The following ZNF334 variants were observed in gnomAD, a reference collection of about 807,000 sequenced individuals.
The protein encoded by ZNF334 is zinc finger protein 334.
A neutral mutation model predicts 12.4 loss-of-function variants in ZNF334; 14 were observed. That is an observed-to-expected ratio of 1.13 (90% CI 0.74 to 1.76). ZNF334 has a LOEUF of 1.76. Among genes scored for constraint, ZNF334 ranks in the 40% most tolerant of loss-of-function variants. The probability of loss-of-function intolerance (pLI) is 0.00; values close to 1 mark genes in which losing one functional copy is unlikely to be tolerated. For missense variants in ZNF334, 797 were observed against 804.5 expected, an observed-to-expected ratio of 0.99 and a Z score of 0.11; for synonymous variants, 273 against 269.6, an observed-to-expected ratio of 1.01 and a Z score of -0.12.
chr20:46,488,522 C>T, the ZNF334 span, among the ~76,000 whole-genome samples: 1 of 150,138 alleles, frequency 6.7e-6, no homozygotes, highest in East Asian at 2.0e-4. Context: ...CCCCACAATA[C>T]ATTATTTGTG....
Position 46,512,072 on chromosome 20 carries a change from A to G in ZNF334, c.21+10T>C, listed in dbSNP as rs1044228177. The G allele has an allele frequency of 9.9e-6, 16 of 1,613,542 alleles. No homozygotes were observed. The Admixed American group carries it at 2.7e-4, about 27-fold the overall frequency. On this transcript the variant is annotated intron_variant, in intron 2 of 4. Transcript: ENST00000692313. Reference sequence around the variant, plus strand: ...GTATAATGTGAGAAGTAAATCCCTGAGCAACTTACCTGAAATTTTTTCATT... The same window carrying G: ...GTATAATGTGAGAAGTAAATCCCTGGGCAACTTACCTGAAATTTTTTCATT...
chr20:46,489,429 G>A, the ZNF334 span, among the ~76,000 whole-genome samples: 1 of 152,062 alleles, frequency 6.6e-6, no homozygotes, highest in Non-Finnish European at 1.5e-5. Context: ...ACCACTTTGG[G>A]AGGCTGAGGC....
Position 46,502,394 on chromosome 20 carries a change from A to G in ZNF334, c.945T>C (p.His315=), listed in dbSNP as rs80323463. 6.5e-4 allele frequency: 1,056 copies of G among 1,614,084 alleles called. 6 individuals carry two copies. The East Asian group carries it at 0.021, about 32-fold the overall frequency. The change falls in exon 5 of 5, where the codon CAT becomes CAC. Residue 315 remains histidine, a synonymous_variant. Transcript: ENST00000692313. ...KSALIVHQKI[H]GGEKSYECNE... ...TACACTCATAGGATTTCTCCCCTCC[A>G]TGAATTTTCTGGTGTACAATAAGGG...
chr20:46,481,593 C>T, the ZNF334 span, among the ~76,000 whole-genome samples: 7 of 152,080 alleles, frequency 4.6e-5, no homozygotes, highest in African/African-American at 7.2e-5. Context: ...GTGTTGGCAG[C>T]GCAGGGAGCA....
chr20:46,510,421 AAGG>A (rs1233114975), intron 2 of ZNF334, among the ~76,000 whole-genome samples: 2 of 152,094 alleles, frequency 1.3e-5, no homozygotes, highest in Non-Finnish European at 2.9e-5. Context: ...ACGTGAGGAA[AAGG>A]AGAATTAAGA....
At chr20:46,508,828 A>G (rs923152501) in intron 2 of ZNF334, among the ~76,000 whole-genome samples, 14 of 152,250 alleles carry the variant, frequency 9.2e-5, no homozygotes, top group African/African-American at 3.1e-4. Flanking sequence ...GTTTATAATG[A>G]TCTGAGCCTA....
chr20:46,498,051 G>A (rs1017080511), downstream of ZNF334, among the ~76,000 whole-genome samples: 15 of 152,066 alleles, frequency 9.9e-5, no homozygotes, highest in South Asian at 4.1e-4. Flanking sequence ...CTTTACTCTC[G>A]AGCTACAATG....
intron 2 of ZNF334, chr20:46,509,578 G>C: frequency 1.4e-6 from 1 of 703,022 alleles, no homozygotes; most frequent in Non-Finnish European, 2.6e-6. Context: ...ACAGAATAGA[G>C]AAAGGATGGG....
chr20:46,462,625 G>T, the ZNF334 span, among the ~76,000 whole-genome samples: 1 of 152,216 alleles, frequency 6.6e-6, no homozygotes, highest in Non-Finnish European at 1.5e-5. Flanking sequence ...GCCCCAGTTT[G>T]TGTTAATATG....
chr20:46,509,713 G>A, intron 2 of ZNF334: 1 of 702,322 alleles, frequency 1.4e-6, no homozygotes. Context: ...CCCTCAGGAA[G>A]CTGGTACCAC....
chr20:46,504,826 T>C (rs2061375688), intron 2 of ZNF334, 86 bp from the exon 3 acceptor site: 2 of 1,243,704 alleles, frequency 1.6e-6, no homozygotes, highest in Non-Finnish European at 2.2e-6. Context: ...ACCACTGCCA[T>C]GGCTAATGGA....
the ZNF334 span, among the ~76,000 whole-genome samples, chr20:46,493,252 G>A: frequency 6.6e-6 from 1 of 152,136 alleles, no homozygotes; most frequent in Non-Finnish European, 1.5e-5. Context: ...AACAAATAGA[G>A]GCAGCTATCT....
At chr20:46,498,099 T>C (rs558038681), downstream of ZNF334, among the ~76,000 whole-genome samples, 3 of 152,288 alleles carry the variant, frequency 2.0e-5, no homozygotes, top group Non-Finnish European at 2.9e-5. Flanking sequence ...CTTGAAAGGG[T>C]TGTTTGTATT....
the ZNF334 span, among the ~76,000 whole-genome samples, chr20:46,470,001 T>G: frequency 6.6e-6 from 1 of 152,106 alleles, no homozygotes; most frequent in African/African-American, 2.4e-5. Context: ...ACCCTTAAAA[T>G]AGGGACAAGA....
intron 2 of ZNF334, among the ~76,000 whole-genome samples, chr20:46,507,811 T>C (rs1239629150): frequency 6.6e-6 from 1 of 152,222 alleles, no homozygotes; most frequent in Non-Finnish European, 1.5e-5. Flanking sequence ...AAACCAGAAG[T>C]AGTTACATTA....
chr20:46,472,932 T>C, the ZNF334 span, among the ~76,000 whole-genome samples: 3 of 152,204 alleles, frequency 2.0e-5, no homozygotes, highest in Non-Finnish European at 2.9e-5. Context: ...ACAGGATTTG[T>C]TGATTACTAG....
rs201451668 is a variant in ZNF334 at position 46,512,124 on chromosome 20, G to C, written c.-22C>G. The C allele has an allele frequency of 6.8e-6, 11 of 1,613,628 alleles. No homozygotes were observed. The highest frequency in any genetic ancestry group is 3.3e-5 in the Admixed American group (2 of 60,024). ...TCATGTTCTCTTGAGAAAGGGCCAA[G>C]AGTGTTGAAAGCAGAGCTGGGTAAG... On this transcript the variant is annotated 5_prime_UTR_variant, in exon 2 of 5. Transcript: ENST00000692313.
chr20:46,495,528 A>G (rs530327446), downstream of ZNF334, among the ~76,000 whole-genome samples: 1 of 152,244 alleles, frequency 6.6e-6, no homozygotes, highest in Admixed American at 6.5e-5. Context: ...CCTCATATAA[A>G]CAATACTAGC....
Position 46,501,326 on chromosome 20 carries a change from A to T in ZNF334, c.2013T>A (p.Phe671Leu), listed in dbSNP as rs775945017. ...CCTTGTGGGATTTCTGATGTAAAAG[A>T]AAGTTTGATTTGTGGCGAAATGTTT... ...CEKTFRHKSN[F>L]LLHQKSHKE The change falls in exon 5 of 5, where the codon TTT becomes TTA. Residue 671 changes from phenylalanine to leucine, a missense_variant. Transcript: ENST00000692313. 5 of 1,611,072 alleles carry T rather than the reference A, an allele frequency of 3.1e-6. No individual in the cohort carries two copies. Among genetic ancestry groups the T allele is most frequent in the Non-Finnish European group, 4.2e-6 (5 of 1,178,132 alleles).
Sources: allele counts gnomAD v4.1 joint callset (sites outside exome capture counted in the v4.1 genomes callset), GRCh38; gene constraint gnomAD v4.1.1; transcripts MANE v1.5; gene names NCBI Gene and HGNC (gene_info 2026-07-23, HGNC 2026-07-21).